The following MIR2052HG variants were observed in gnomAD, a reference collection of about 807,000 sequenced individuals.
MIR2052HG encodes MIR2052 host gene.
chr8:74,602,238 C>T (rs565942972), intron 1 of MIR2052HG, among the ~76,000 whole-genome samples: 8 of 152,204 alleles, frequency 5.3e-5, no homozygotes, highest in Admixed American at 3.3e-4. Flanking sequence ...TGATCATCCT[C>T]ACTGCTTATT....
intron 4 of MIR2052HG, among the ~76,000 whole-genome samples, chr8:74,751,429 G>A (rs1809946271): frequency 6.6e-6 from 1 of 152,178 alleles, no homozygotes; most frequent in African/African-American, 2.4e-5. Context: ...AGTGTTGTTT[G>A]ACTTTCAAAG....
intron 2 of MIR2052HG, among the ~76,000 whole-genome samples, chr8:74,628,379 T>A (rs994386633): frequency 1.3e-5 from 2 of 152,160 alleles, no homozygotes; most frequent in African/African-American, 4.8e-5. Context: ...AATCTCTAAG[T>A]CCAGGTTAAA....
At chr8:74,673,910 T>TATATATATACATAC (rs1485340799) in intron 2 of MIR2052HG, among the ~76,000 whole-genome samples, 3 of 133,238 alleles carry the variant, frequency 2.3e-5, no homozygotes, top group African/African-American at 1.0e-4. Context: ...TATATATATA[T>TATATATATACATAC]ACACACACAA....
chr8:74,619,166 G>A (rs1351314354), intron 2 of MIR2052HG, among the ~76,000 whole-genome samples: 1 of 152,014 alleles, frequency 6.6e-6, no homozygotes, highest in Non-Finnish European at 1.5e-5. Flanking sequence ...TGGATTGGAA[G>A]AATTAATATT....
chr8:74,636,437 G>A (rs1386007616), intron 2 of MIR2052HG, among the ~76,000 whole-genome samples: 1 of 152,130 alleles, frequency 6.6e-6, no homozygotes, highest in African/African-American at 2.4e-5. Context: ...TATGCAGGAA[G>A]GAGAGGGAGA....
At chr8:74,632,818 T>G (rs1475952622) in intron 2 of MIR2052HG, among the ~76,000 whole-genome samples, 6 of 152,150 alleles carry the variant, frequency 3.9e-5, no homozygotes, top group African/African-American at 1.4e-4. Flanking sequence ...TATCTTGGCA[T>G]AATCAGCTCG....
intron 4 of MIR2052HG, among the ~76,000 whole-genome samples, chr8:74,730,528 A>G (rs1338125717): frequency 4.6e-5 from 7 of 152,214 alleles, no homozygotes; most frequent in Admixed American, 2.6e-4. Context: ...GTGATCATCA[A>G]AGTATATTGT....
At chr8:74,702,975 AC>A (rs1043593494) in intron 3 of MIR2052HG, among the ~76,000 whole-genome samples, 3 of 152,094 alleles carry the variant, frequency 2.0e-5, no homozygotes, top group Admixed American at 1.3e-4. Context: ...GAGGGGTGTT[AC>A]GTTCTCTGAA....
At chr8:74,713,302 A>T (rs2128741917) in intron 4 of MIR2052HG, among the ~76,000 whole-genome samples, 1 of 152,314 alleles carries the variant, frequency 6.6e-6, no homozygotes, top group Middle Eastern at 3.4e-3. Context: ...TGAACAATTT[A>T]TGTGGCCCCT....
intron 2 of MIR2052HG, among the ~76,000 whole-genome samples, chr8:74,686,144 G>A (rs1475496010): frequency 2.7e-5 from 4 of 150,666 alleles, no homozygotes; most frequent in African/African-American, 9.8e-5. Context: ...TGTCCTTACT[G>A]GAACTTTTTC....
intron 2 of MIR2052HG, among the ~76,000 whole-genome samples, chr8:74,680,781 T>C (rs1483525969): frequency 2.0e-4 from 31 of 151,710 alleles, no homozygotes; most frequent in Admixed American, 5.9e-4. Context: ...TATTGCGGCA[T>C]TATTCACAAT....
chr8:74,738,042 A>T (rs958092476), intron 4 of MIR2052HG, among the ~76,000 whole-genome samples: 1 of 149,144 alleles, frequency 6.7e-6, no homozygotes, highest in Non-Finnish European at 1.5e-5. Context: ...TTATGTATGC[A>T]TGTATGTATG....
chr8:74,738,133 G>GTATCTATCTATC (rs56976671), intron 4 of MIR2052HG, among the ~76,000 whole-genome samples: 1,498 of 149,608 alleles, frequency 0.01, 22 homozygotes, highest in African/African-American at 0.03. Flanking sequence ...ATGTATGTAT[G>GTATCTATCTATC]TATCTATCTA....
intron 2 of MIR2052HG, among the ~76,000 whole-genome samples, chr8:74,636,327 G>A (rs562476581): frequency 1.3e-5 from 2 of 152,096 alleles, no homozygotes; most frequent in South Asian, 4.2e-4. Flanking sequence ...CACCAATTCT[G>A]CAAATTTTTG....
chr8:74,710,713 A>C (rs955229177), intron 4 of MIR2052HG, among the ~76,000 whole-genome samples: 1 of 152,158 alleles, frequency 6.6e-6, no homozygotes, highest in African/African-American at 2.4e-5. Flanking sequence ...TTTGGAATCT[A>C]TCTACTTATG....
At chr8:74,602,877 T>TTTCTTTTCTTTCTTTC (rs1808041801) in intron 1 of MIR2052HG, among the ~76,000 whole-genome samples, 1 of 53,784 alleles carries the variant, frequency 1.9e-5, no homozygotes, top group Non-Finnish European at 3.4e-5. Context: ...TTCTTTCTTT[T>TTTCTTTTCTTTCTTTC]TTCTATTCAC....
At chr8:74,659,393 C>CT (rs1220703826) in intron 2 of MIR2052HG, among the ~76,000 whole-genome samples, 2 of 152,060 alleles carry the variant, frequency 1.3e-5, no homozygotes, top group Non-Finnish European at 2.9e-5. Context: ...TGAAACAAAA[C>CT]TTTTCTAATT....
At chr8:74,748,520 A>G (rs1563545824) in intron 4 of MIR2052HG, among the ~76,000 whole-genome samples, 1 of 152,212 alleles carries the variant, frequency 6.6e-6, no homozygotes, top group Non-Finnish European at 1.5e-5. Flanking sequence ...ATGGTTTTGT[A>G]TAAGATATTT....
chr8:74,747,035 A>T (rs1202484748), intron 4 of MIR2052HG, among the ~76,000 whole-genome samples: 2 of 152,180 alleles, frequency 1.3e-5, no homozygotes, highest in Non-Finnish European at 2.9e-5. Flanking sequence ...ACACTGATCC[A>T]TGCTAACTCC....
Sources: allele counts gnomAD v4.1 joint callset (sites outside exome capture counted in the v4.1 genomes callset), GRCh38; gene constraint gnomAD v4.1.1; transcripts MANE v1.5; gene names NCBI Gene and HGNC (gene_info 2026-07-23, HGNC 2026-07-21).